The following CIBAR2 variants were observed in gnomAD, a reference collection of about 807,000 sequenced individuals.
CIBAR2 encodes the protein CBY1 interacting BAR domain containing 2.
In CIBAR2, 38 loss-of-function variants were observed where a neutral mutation model predicts 36.2. That is an observed-to-expected ratio of 1.05 (90% CI 0.81 to 1.38). The LOEUF (loss-of-function observed/expected upper bound fraction) is 1.38. Among genes scored for constraint, CIBAR2 ranks in the 40% most tolerant of loss-of-function variants. The probability of loss-of-function intolerance (pLI) is 0.00; values close to 1 mark genes in which losing one functional copy is unlikely to be tolerated. For synonymous variants in CIBAR2, 182 were observed against 149.5 expected (o/e 1.22, Z -1.58); for missense variants, 481 against 383.4 (o/e 1.25, Z -2.13).
At chr16:85,107,348 T>G (rs1385660089) in intron 5 of CIBAR2, among the ~76,000 whole-genome samples, 1 of 152,058 alleles carries the variant, frequency 6.6e-6, no homozygotes, top group Non-Finnish European at 1.5e-5. Flanking sequence ...CTCCCATAAC[T>G]GTGTCTCTGT....
chr16:85,105,582 T>C, intron 5 of CIBAR2, 151 bp from the exon 6 acceptor site: 1 of 615,320 alleles, frequency 1.6e-6, no homozygotes, highest in Non-Finnish European at 2.9e-6. Context: ...ATCAAAGGAA[T>C]GGCTGAGTAG....
At chr16:85,112,188 G>T (rs747542201) in intron 1 of CIBAR2, 145 bp downstream of exon 1, 2 of 711,682 alleles carry the variant, frequency 2.8e-6, no homozygotes, top group East Asian at 5.4e-5. Context: ...GATGGAGGTG[G>T]AGGCACCGTG....
Position 85,104,199 on chromosome 16 carries a change from G to T in CIBAR2, c.537+1128C>A, listed in dbSNP as rs369509598. On this transcript the variant is annotated intron_variant, in intron 6 of 8. Transcript: ENST00000539556. Reference sequence around the variant, plus strand: ...GAGGTTGAAGCCGAAGGAGAAGGAGGCACCGACTGGACGCAGATCAAGGCA... The same window carrying T: ...GAGGTTGAAGCCGAAGGAGAAGGAGTCACCGACTGGACGCAGATCAAGGCA... 7.9e-5 allele frequency among the ~76,000 whole-genome samples: 12 copies of T among 152,360 alleles called. No individual in the cohort carries two copies. In the East Asian group the frequency reaches 1.3e-3, roughly 17 times the overall value.
intron 8 of CIBAR2, among the ~76,000 whole-genome samples, chr16:85,099,687 G>A (rs1392188399): frequency 1.1e-4 from 17 of 150,416 alleles, no homozygotes; most frequent in Non-Finnish European, 1.6e-4. Context: ...GCAATGGTAC[G>A]ATCTCGGCTC....
Position 85,108,018 on chromosome 16 carries a change from T to A in CIBAR2, c.324+13A>T. 1 of 1,613,808 alleles carries A rather than the reference T, an allele frequency of 6.2e-7. No individual in the cohort carries two copies. The highest frequency in any genetic ancestry group is 1.1e-5 in the South Asian group (1 of 91,062). Reference sequence around the variant, plus strand: ...GACAGGGATGCCACCCACACCGAGGTGCCCCGGCTCACCCGTGTCTGCTTG... The same window carrying A: ...GACAGGGATGCCACCCACACCGAGGAGCCCCGGCTCACCCGTGTCTGCTTG... On this transcript the variant is annotated intron_variant, in intron 3 of 8. Coordinates refer to ENST00000539556, the MANE Select transcript of CIBAR2 (RefSeq NM_198491.3).
At chr16:85,099,797 C>CTTTTTTTT (rs71386075) in intron 8 of CIBAR2, among the ~76,000 whole-genome samples, 5 of 77,532 alleles carry the variant, frequency 6.4e-5, no homozygotes, top group African/African-American at 1.0e-4. Context: ...CTAATTTTTG[C>CTTTTTTTT]TTTTTTTTTT....
chr16:85,108,544 A>G (rs1299858954), intron 2 of CIBAR2, among the ~76,000 whole-genome samples: 1 of 152,186 alleles, frequency 6.6e-6, no homozygotes, highest in Non-Finnish European at 1.5e-5. Context: ...CGGATGAGAA[A>G]ACTGAGCCTT....
At chr16:85,110,652 G>A (rs2074034987) in intron 1 of CIBAR2, among the ~76,000 whole-genome samples, 192 bp from the exon 2 acceptor site, 2 of 151,688 alleles carry the variant, frequency 1.3e-5, no homozygotes, top group African/African-American at 2.4e-5. Context: ...ATCTGCCTGG[G>A]CTGGTCAGTA....
rs560771176 is a variant in CIBAR2, at chr16:85,100,286, A to G, written c.652-46T>C. On this transcript the variant is annotated intron_variant, in intron 7 of 8. Transcript: ENST00000539556. Reference sequence around the variant, plus strand: ...TGGGTGGGATCCGATGGGAAAACACAGCGTGGGTTGGGGGAGTGGGATGGA... The same window carrying G: ...TGGGTGGGATCCGATGGGAAAACACGGCGTGGGTTGGGGGAGTGGGATGGA... 16 of 1,339,028 alleles carry G rather than the reference A, an allele frequency of 1.2e-5. No homozygotes were observed. The South Asian group carries it at 1.5e-4, about 13-fold the overall frequency. The allele number at this position is 1,339,028 out of a possible 1,614,324, so 82.9% of individuals were successfully genotyped here. A position where few individuals can be genotyped will look rare whatever the true frequency, so the allele number is the denominator to read the frequency against.
chr16:85,102,527 A>G (rs1442249615), intron 6 of CIBAR2, among the ~76,000 whole-genome samples, 200 bp from the exon 7 acceptor site: 3 of 152,172 alleles, frequency 2.0e-5, no homozygotes, highest in Admixed American at 2.0e-4. Flanking sequence ...AATCAAAACT[A>G]TTGGTCAGGC....
chr16:85,099,106 G>C lies in CIBAR2; in HGVS notation c.*79C>G. 1 of 1,426,010 alleles carries C rather than the reference G, an allele frequency of 7.0e-7. No homozygotes were observed. Among genetic ancestry groups the C allele is most frequent in the Non-Finnish European group, 9.2e-7 (1 of 1,082,236 alleles). 88.3% of individuals were successfully genotyped at this position (1,426,010 alleles called of 1,614,324 possible). On this transcript the variant is annotated 3_prime_UTR_variant, in exon 9 of 9. Transcript: ENST00000539556. ...CAATCCAACAAAGACAAAGAAAAAAGAATCAGAAAATAAGAACAAAGCCTC... is the reference window on the plus strand; with the variant it reads ...CAATCCAACAAAGACAAAGAAAAAACAATCAGAAAATAAGAACAAAGCCTC...
chr16:85,107,721 T>C, intron 4 of CIBAR2, 49 bp from the exon 5 acceptor site: 1 of 1,612,570 alleles, frequency 6.2e-7, no homozygotes, highest in Non-Finnish European at 8.5e-7. Context: ...GCAGCCCCGT[T>C]GGGGTGGTCC....
Position 85,106,640 on chromosome 16 carries a change from T to C in CIBAR2, c.432+1027A>G, listed in dbSNP as rs369406936. On this transcript the variant is annotated intron_variant, in intron 5 of 8. Coordinates refer to ENST00000539556, the MANE Select transcript of CIBAR2 (RefSeq NM_198491.3). ...AGCTGGAAAAGGCGAGGGCGCAGAC[T>C]CTCCCTGGAACTTCCAGAAGGAACC... Among the ~76,000 whole-genome samples, 208 of 152,256 alleles carry C rather than the reference T, an allele frequency of 1.4e-3. No individual in the cohort carries two copies. In the Middle Eastern group the frequency reaches 0.02, roughly 15 times the overall value.
At chr16:85,105,190 G>A (rs560710433) in intron 6 of CIBAR2, 137 bp downstream of exon 6, 2 of 538,470 alleles carry the variant, frequency 3.7e-6, no homozygotes, top group East Asian at 2.9e-5. Flanking sequence ...GCTCACTCAC[G>A]CCTTCCAGTG....
rs888542669 is a variant in CIBAR2, at chr16:85,099,092, A to G, written c.*93T>C. Reference sequence around the variant, plus strand: ...TCTTTGAATTAACACAATCCAACAAAGACAAAGAAAAAAGAATCAGAAAAT... The same window carrying G: ...TCTTTGAATTAACACAATCCAACAAGGACAAAGAAAAAAGAATCAGAAAAT... On this transcript the variant is annotated 3_prime_UTR_variant, in exon 9 of 9. Transcript: ENST00000539556. 1.1e-5 allele frequency: 15 copies of G among 1,400,490 alleles called. No homozygotes were observed. In the African/African-American group the frequency reaches 2.1e-4, roughly 19 times the overall value. The allele number at this position is 1,400,490 out of a possible 1,614,324, so 86.8% of individuals were successfully genotyped here.
intron 2 of CIBAR2, among the ~76,000 whole-genome samples, chr16:85,108,321 C>T (rs1026560112): frequency 2.0e-5 from 3 of 152,204 alleles, no homozygotes; most frequent in African/African-American, 4.8e-5. Flanking sequence ...TTCAGTCTCT[C>T]GAAGCCTCAT....
Position 85,102,313 on chromosome 16 carries a change from G to A in CIBAR2, c.552C>T (p.Asp184=), listed in dbSNP as rs765304902. 5 of 1,610,668 alleles carry A rather than the reference G, an allele frequency of 3.1e-6. No homozygotes were observed. Among genetic ancestry groups the A allele is most frequent in the Admixed American group, 3.3e-5 (2 of 59,960 alleles). The change falls in exon 7 of 9, where the codon GAC becomes GAT. Residue 184 remains aspartate, a synonymous_variant. Transcript: ENST00000539556. The part of the protein sequence containing the change: ...KLKDLQKFFC[D]FVTIEMVFHA... ...GGAAAACCATCTCAATAGTTACAAA[G>A]TCACAAAAAAATTTCTGTGGGGAGA...
intron 5 of CIBAR2, among the ~76,000 whole-genome samples, chr16:85,105,788 C>A (rs139956024): frequency 6.6e-6 from 1 of 152,164 alleles, no homozygotes; most frequent in Non-Finnish European, 1.5e-5. Context: ...AGGTGCTCCA[C>A]GTTCATTGAT....
At chr16:85,102,995 G>A (rs1401971335) in intron 6 of CIBAR2, among the ~76,000 whole-genome samples, 14 of 150,928 alleles carry the variant, frequency 9.3e-5, no homozygotes, top group Non-Finnish European at 1.8e-4. Flanking sequence ...TCCGCCTCCC[G>A]GGTTCAAGCG....
Sources: allele counts gnomAD v4.1 joint callset (sites outside exome capture counted in the v4.1 genomes callset), GRCh38; gene constraint gnomAD v4.1.1; transcripts MANE v1.5; gene names NCBI Gene and HGNC (gene_info 2026-07-23, HGNC 2026-07-21).